TIPIN: variants seen among roughly 807,000 people sequenced by gnomAD.
The protein encoded by TIPIN is TIMELESS interacting protein.
A neutral mutation model predicts 35.6 loss-of-function variants in TIPIN; 29 were observed. The ratio of observed to expected loss-of-function variants is 0.82; its 90% CI spans 0.61 to 1.11. The LOEUF (loss-of-function observed/expected upper bound fraction) is 1.11, where lower values mean the gene tolerates loss of function less well. TIPIN is among the 50% of genes most tolerant of loss of function. TIPIN has a pLI of 0.00. For missense variants in TIPIN, 296 were observed against 345.4 expected (o/e 0.86, Z 1.13); for synonymous variants, 102 against 121.5 (o/e 0.84, Z 1.06).
chr15:66,375,284 CT>C (rs989622566), intron 1 of TIPIN, among the ~76,000 whole-genome samples: 23 of 151,900 alleles, frequency 1.5e-4, no homozygotes, highest in African/African-American at 5.1e-4. Flanking sequence ...AGTAAGACCC[CT>C]CCTCTTAAAA....
chr15:66,350,377 G>T (rs1441499227), intron 4 of TIPIN, among the ~76,000 whole-genome samples: 1 of 151,776 alleles, frequency 6.6e-6, no homozygotes, highest in Non-Finnish European at 1.5e-5. Context: ...AGGCCGAGGC[G>T]GGTGGATGAC....
chr15:66,355,468 G>A (rs1477129481), intron 1 of TIPIN, among the ~76,000 whole-genome samples: 1 of 151,674 alleles, frequency 6.6e-6, no homozygotes, highest in East Asian at 2.0e-4. Flanking sequence ...GCAAAGCATC[G>A]GCTGGGCGCG....
intron 1 of TIPIN, among the ~76,000 whole-genome samples, chr15:66,366,346 C>T (rs1309412236): frequency 2.6e-5 from 4 of 151,604 alleles, no homozygotes; most frequent in African/African-American, 9.7e-5. Flanking sequence ...CCCAGCTACT[C>T]GGGAGGCTGA....
At chr15:66,349,779 C>T (rs766824285) in intron 4 of TIPIN, among the ~76,000 whole-genome samples, 2 of 151,922 alleles carry the variant, frequency 1.3e-5, no homozygotes, top group Non-Finnish European at 2.9e-5. Flanking sequence ...ACTCAGGTGG[C>T]TGAGGTGAAA....
intron 1 of TIPIN, among the ~76,000 whole-genome samples, chr15:66,376,612 T>C (rs1210383509): frequency 6.6e-6 from 1 of 151,516 alleles, no homozygotes; most frequent in African/African-American, 2.4e-5. Flanking sequence ...GTATTTTTAG[T>C]AGAGATGAGG....
upstream of TIPIN, among the ~76,000 whole-genome samples, chr15:66,358,072 A>G (rs550367712): frequency 3.3e-4 from 51 of 152,358 alleles, no homozygotes; most frequent in Admixed American, 2.7e-3. Flanking sequence ...AGCCTGGGCA[A>G]CATACTGAGA....
At chr15:66,337,776 A>T (rs1357963647) in intron 7 of TIPIN, among the ~76,000 whole-genome samples, 18 of 55,112 alleles carry the variant, frequency 3.3e-4, no homozygotes, top group Non-Finnish European at 4.2e-4. Context: ...CAAAAAAAAT[A>T]AAATAAAAAA....
intron 4 of TIPIN, among the ~76,000 whole-genome samples, chr15:66,350,668 G>A (rs1199693589): frequency 2.0e-5 from 3 of 150,800 alleles, no homozygotes; most frequent in South Asian, 2.1e-4. Flanking sequence ...AGTGGCTCAC[G>A]CCTGTAATCC....
At chr15:66,377,992 C>G (rs1017489255) in intron 1 of TIPIN, among the ~76,000 whole-genome samples, 37 of 151,624 alleles carry the variant, frequency 2.4e-4, no homozygotes, top group Admixed American at 1.3e-4. Context: ...ATTACAGGTG[C>G]ACACCACCAT....
intron 6 of TIPIN, among the ~76,000 whole-genome samples, 154 bp from the exon 7 acceptor site, chr15:66,341,510 T>TTAAATAA (rs1428244203): frequency 0.018 from 102 of 5,786 alleles, 1 homozygote; most frequent in South Asian, 0.12. Flanking sequence ...GGCTCACGCC[T>TTAAATAA]GTAATCCCAG....
At chr15:66,357,321 C>T (rs1595805113), upstream of TIPIN, among the ~76,000 whole-genome samples, 1 of 152,186 alleles carries the variant, frequency 6.6e-6, no homozygotes, top group South Asian at 2.1e-4. Flanking sequence ...GAAATTACCG[C>T]TTCTTCAGAG....
chr15:66,367,734 T>G (rs564013845), intron 1 of TIPIN, among the ~76,000 whole-genome samples: 1 of 151,958 alleles, frequency 6.6e-6, no homozygotes, highest in South Asian at 2.1e-4. Flanking sequence ...CAATTTTTTA[T>G]GTTTTTTTTC....
At chr15:66,385,294 G>T (rs2093332955) in intron 1 of TIPIN, among the ~76,000 whole-genome samples, 1 of 152,154 alleles carries the variant, frequency 6.6e-6, no homozygotes, top group Admixed American at 6.5e-5. Context: ...GGATAACCAG[G>T]TGTAGATGTT....
At chr15:66,374,961 G>C (rs530982980) in intron 1 of TIPIN, among the ~76,000 whole-genome samples, 14 of 152,136 alleles carry the variant, frequency 9.2e-5, no homozygotes, top group Admixed American at 9.2e-4. Flanking sequence ...CTGCCCTTCT[G>C]GGCCTCCACC....
intron 1 of TIPIN, among the ~76,000 whole-genome samples, chr15:66,372,080 C>T (rs1158464615): frequency 6.6e-6 from 1 of 152,182 alleles, no homozygotes; most frequent in Non-Finnish European, 1.5e-5. Flanking sequence ...CAGGCATAAG[C>T]CACTGTGCCT....
At chr15:66,339,280 C>CT (rs62627330) in intron 7 of TIPIN, among the ~76,000 whole-genome samples, 14,306 of 142,838 alleles carry the variant, frequency 0.1, 862 homozygotes, top group East Asian at 0.34. Context: ...TATTATAATT[C>CT]TTTTTTTTTT....
At chr15:66,351,745 T>C in intron 3 of TIPIN, 145 bp from the exon 4 acceptor site, 1 of 646,766 alleles carries the variant, frequency 1.5e-6, no homozygotes, top group Non-Finnish European at 2.6e-6. Context: ...GTTCACGTCA[T>C]TCTCCTGCCT....
chr15:66,349,321 T>C lies in TIPIN; in HGVS notation c.405A>G (p.Glu135=). 1 of 1,613,472 alleles carries C rather than the reference T, an allele frequency of 6.2e-7. No homozygotes were observed. Among genetic ancestry groups the C allele is most frequent in the Non-Finnish European group, 8.5e-7 (1 of 1,179,960 alleles). The change falls in exon 5 of 8, where the codon GAA becomes GAG. Residue 135 remains glutamate, a synonymous_variant. Coordinates refer to ENST00000261881, the MANE Select transcript of TIPIN (RefSeq NM_017858.3). The part of the protein sequence containing the change: ...DRVEYLGSKK[E]VQTCLKRIRL... The stretch of plus-strand genomic sequence containing the variant: ...TAATCATCTCAACACTTACCTGAAC[T>C]TCCTTTTTACTTCCCAGGTATTCAA...
intron 1 of TIPIN, among the ~76,000 whole-genome samples, chr15:66,371,861 C>T (rs895702571): frequency 1.3e-5 from 2 of 151,994 alleles, no homozygotes; most frequent in African/African-American, 4.8e-5. Context: ...ATGGCATGCT[C>T]ATAGCTCACT....
Sources: allele counts gnomAD v4.1 joint callset (sites outside exome capture counted in the v4.1 genomes callset), GRCh38; gene constraint gnomAD v4.1.1; transcripts MANE v1.5; gene names NCBI Gene and HGNC (gene_info 2026-07-23, HGNC 2026-07-21).